Variants in MROH1 observed in about 807,000 individuals in gnomAD.
MROH1 encodes maestro heat like repeat family member 1.
Under a neutral mutation model 116.5 loss-of-function variants are expected in MROH1, and 117 were observed. The observed-to-expected ratio is 1.00, with a 90% CI of 0.86 to 1.17. The LOEUF is 1.17. Among genes scored for constraint, MROH1 ranks in the 50% most tolerant of loss-of-function variants. The pLI is 0.00. For missense variants in MROH1, 1,873 were observed against 1,338.5 expected (o/e 1.40, Z -6.23); for synonymous variants, 921 against 583.9 (o/e 1.58, Z -8.32).
intron 32 of MROH1, among the ~76,000 whole-genome samples, chr8:144,249,264 C>T (rs1842436270): frequency 1.3e-5 from 2 of 152,184 alleles, no homozygotes; most frequent in Non-Finnish European, 2.9e-5. Flanking sequence ...TCTCTTATGT[C>T]TGAAGACAGG....
At chr8:144,221,769 C>A (rs1024873694) in intron 13 of MROH1, among the ~76,000 whole-genome samples, 1 of 152,096 alleles carries the variant, frequency 6.6e-6, no homozygotes, top group African/African-American at 2.4e-5. Flanking sequence ...TGAGACCAAC[C>A]GGCTCGCTCC....
At chr8:144,210,911 G>A (rs897671724) in intron 12 of MROH1, among the ~76,000 whole-genome samples, 1 of 151,974 alleles carries the variant, frequency 6.6e-6, no homozygotes, top group Non-Finnish European at 1.5e-5. Context: ...TCATTGTCAG[G>A]CAACTGTCAC....
chr8:144,255,505 C>G lies in MROH1; in HGVS notation c.3595-4C>G, dbSNP rs1396264196. 5 of 778,504 alleles carry G rather than the reference C, an allele frequency of 6.4e-6. No homozygotes were observed. The highest frequency in any genetic ancestry group is 1.2e-5 in the Non-Finnish European group (5 of 417,786). 48.2% of individuals were successfully genotyped at this position (778,504 alleles called of 1,614,324 possible). A position where few individuals can be genotyped will look rare whatever the true frequency, so the allele number is the denominator to read the frequency against. On this transcript the variant is annotated splice_polypyrimidine_tract_variant and splice_region_variant and intron_variant, in intron 34 of 43. Coordinates refer to ENST00000326134, the MANE Select transcript of MROH1 (RefSeq NM_032450.3). Reference sequence around the variant, plus strand: ...GCATGGCCCTGTGATGACTTCTCCCCCAGGCTACCTGTGCACTGTTTGAGG... The same window carrying G: ...GCATGGCCCTGTGATGACTTCTCCCGCAGGCTACCTGTGCACTGTTTGAGG...
At chr8:144,194,126 G>A (rs891095598) in intron 10 of MROH1, among the ~76,000 whole-genome samples, 1 of 152,072 alleles carries the variant, frequency 6.6e-6, no homozygotes, top group Non-Finnish European at 1.5e-5. Context: ...GCAATGGTGC[G>A]ATCTTGGCTC....
At chr8:144,199,463 T>C (rs1049680487) in intron 11 of MROH1, among the ~76,000 whole-genome samples, 1 of 152,084 alleles carries the variant, frequency 6.6e-6, no homozygotes, top group African/African-American at 2.4e-5. Context: ...CACCGTCCAG[T>C]CTGCACATTC....
At chr8:144,255,337 C>T (rs1489785857) in intron 34 of MROH1, among the ~76,000 whole-genome samples, 172 bp from the exon 35 acceptor site, 1 of 152,358 alleles carries the variant, frequency 6.6e-6, no homozygotes, top group African/African-American at 2.4e-5. Flanking sequence ...TGCCTCTACC[C>T]CTGAGGGCCA....
intron 10 of MROH1, 96 bp from the exon 11 acceptor site, chr8:144,199,026 C>A: frequency 8.4e-7 from 1 of 1,192,890 alleles, no homozygotes; most frequent in Non-Finnish European, 1.2e-6. Context: ...AACCCAGAGC[C>A]TTCTGCCCAG....
At chr8:144,256,507 C>T (rs951546367) in intron 35 of MROH1, among the ~76,000 whole-genome samples, 13 of 152,196 alleles carry the variant, frequency 8.5e-5, no homozygotes, top group South Asian at 4.1e-4. Context: ...CTCGTAAAGC[C>T]CAGTGGGGCC....
chr8:144,177,895 G>C (rs1432787734), intron 4 of MROH1, among the ~76,000 whole-genome samples: 1 of 151,828 alleles, frequency 6.6e-6, no homozygotes, highest in Non-Finnish European at 1.5e-5. Context: ...CATGCTTCCT[G>C]TACAGCCTGC....
intron 12 of MROH1, among the ~76,000 whole-genome samples, chr8:144,209,990 A>T (rs1231446439): frequency 6.6e-6 from 1 of 151,608 alleles, no homozygotes. Context: ...AGACAACAAC[A>T]TCAGATCTAC....
At chr8:144,168,544 T>C in intron 4 of MROH1, 104 bp downstream of exon 4, 2 of 1,399,856 alleles carry the variant, frequency 1.4e-6, no homozygotes, top group Non-Finnish European at 1.9e-6. Flanking sequence ...GGGTCGGGTG[T>C]TACGCAGGGG....
At chr8:144,218,436 G>A (rs1255740482) in intron 12 of MROH1, among the ~76,000 whole-genome samples, 3 of 151,892 alleles carry the variant, frequency 2.0e-5, no homozygotes, top group African/African-American at 4.8e-5. Flanking sequence ...TCTGGCCAGC[G>A]GGGAAGCCCA....
intron 12 of MROH1, chr8:144,213,182 G>T (rs12114254): frequency 2.7e-6 from 2 of 727,878 alleles, no homozygotes; most frequent in African/African-American, 1.7e-5. Flanking sequence ...TTGGTTCTGC[G>T]GGCGACTGCC....
intron 12 of MROH1, among the ~76,000 whole-genome samples, chr8:144,216,483 A>AT (rs1835293017): frequency 6.6e-6 from 1 of 152,006 alleles, no homozygotes; most frequent in Non-Finnish European, 1.5e-5. Context: ...CAAAAAAATA[A>AT]TAAGAAGAAA....
chr8:144,259,974 G>A lies in MROH1; in HGVS notation c.4108G>A (p.Ala1370Thr), dbSNP rs943190649. The A allele has an allele frequency of 6.8e-6, 5 of 740,258 alleles. No homozygotes were observed. Among genetic ancestry groups the A allele is most frequent in the Non-Finnish European group, 1.0e-5 (4 of 399,672 alleles). 45.9% of individuals were successfully genotyped at this position (740,258 alleles called of 1,614,324 possible). ...LLDSLLESLA[A>T]RQKDTCASVR... ...GGACTCGCTGCTGGAGAGCCTGGCG[G>A]CTCGCCAGAAGGACACATGCGCCAG... The change falls in exon 38 of 44, where the codon GCT becomes ACT. Residue 1370 changes from alanine (A) to threonine (T), a missense_variant. Physicochemically the swap from Ala to Thr is moderately conservative, Grantham distance 58. Transcript: ENST00000326134.
intron 14 of MROH1, among the ~76,000 whole-genome samples, chr8:144,231,063 G>C (rs9772203): frequency 0.062 from 8,722 of 141,296 alleles, 956 homozygotes; most frequent in African/African-American, 0.23. Flanking sequence ...ATCTTGCACC[G>C]CCCTTAATCC....
chr8:144,153,295 C>T (rs1817299004), intron 1 of MROH1, among the ~76,000 whole-genome samples: 1 of 151,884 alleles, frequency 6.6e-6, no homozygotes, highest in African/African-American at 2.4e-5. Flanking sequence ...CTCCTGGGTT[C>T]AAGCAATTCA....
intron 22 of MROH1, 146 bp from the exon 23 acceptor site, chr8:144,242,223 C>T (rs1237095802): frequency 9.3e-6 from 7 of 749,088 alleles, no homozygotes; most frequent in Non-Finnish European, 1.7e-5. Context: ...TCAGGTGGTG[C>T]CGTGCACGGC....
chr8:144,217,877 GTGGCC>G (rs1835612062), intron 12 of MROH1, among the ~76,000 whole-genome samples: 1 of 152,110 alleles, frequency 6.6e-6, no homozygotes, highest in Admixed American at 6.5e-5. Context: ...GGCTGTGTTA[GTGGCC>G]CAGTATCCCT....
Sources: gnomAD v4.1 joint callset for allele counts (sites outside exome capture counted in the v4.1 genomes callset) on GRCh38, gnomAD v4.1.1 for gene constraint, MANE v1.5 for transcripts, NCBI Gene and HGNC (gene_info 2026-07-23, HGNC 2026-07-21) for gene names.